Variants in BLTP1 observed in about 807,000 individuals in gnomAD.
BLTP1 encodes the protein bridge-like lipid transfer protein family member 1, also known as fragile site-associated protein.
chr4:122,325,816 G>GTTTTTTTTTTTTTTATTT, the BLTP1 span: 1 of 786,100 alleles, frequency 1.3e-6, no homozygotes. Context: ...TTTTTCATGA[G>GTTTTTTTTTTTTTTATTT]TTTTTTTTTT....
the BLTP1 span, among the ~76,000 whole-genome samples, chr4:122,248,464 TA>T: frequency 1.3e-5 from 2 of 152,108 alleles, no homozygotes; most frequent in Non-Finnish European, 2.9e-5. Context: ...GGTTACTTAA[TA>T]ACCTCATAAT....
At chr4:122,199,056 A>G in the BLTP1 span, among the ~76,000 whole-genome samples, 1 of 152,178 alleles carries the variant, frequency 6.6e-6, no homozygotes, top group South Asian at 2.1e-4. Flanking sequence ...GTGGAAGAAG[A>G]AAAGTAGTTG....
At chr4:122,346,101 C>A in the BLTP1 span, 4 of 624,840 alleles carry the variant, frequency 6.4e-6, no homozygotes, top group Non-Finnish European at 8.0e-6. Flanking sequence ...GGCATGTAAA[C>A]CCTATAGAAA....
chr4:122,348,913 C>T, the BLTP1 span: 20 of 540,098 alleles, frequency 3.7e-5, no homozygotes, highest in South Asian at 1.4e-4. Context: ...AATATATGTT[C>T]TATAAAAAGG....
the BLTP1 span, among the ~76,000 whole-genome samples, chr4:122,253,216 C>T: frequency 2.6e-3 from 393 of 152,172 alleles, 1 homozygote; most frequent in Non-Finnish European, 4.7e-3. Flanking sequence ...GTGAAGACTA[C>T]AATAAACACC....
At chr4:122,161,464 T>A in the BLTP1 span, among the ~76,000 whole-genome samples, 1 of 151,436 alleles carries the variant, frequency 6.6e-6, no homozygotes, top group Admixed American at 6.6e-5. Flanking sequence ...AGGGTCTTGC[T>A]CTGTCACCCA....
At chr4:122,347,703 G>A in the BLTP1 span, 3 of 1,613,782 alleles carry the variant, frequency 1.9e-6, no homozygotes, top group Non-Finnish European at 1.7e-6. Flanking sequence ...TGTCACCAGG[G>A]ACAGTAGGAC....
chr4:122,200,628 T>G, the BLTP1 span: 1 of 971,306 alleles, frequency 1.0e-6, no homozygotes, highest in Non-Finnish European at 1.2e-6. Flanking sequence ...ATACTAATGT[T>G]ACTTTGTGTG....
chr4:122,315,737 G>A, the BLTP1 span: 3 of 1,559,110 alleles, frequency 1.9e-6, no homozygotes, highest in Middle Eastern at 1.7e-4. Flanking sequence ...TTTACCCTGA[G>A]ACAGGGATAT....
At chr4:122,222,896 A>G in the BLTP1 span, 5 of 669,188 alleles carry the variant, frequency 7.5e-6, no homozygotes, top group African/African-American at 3.9e-5. Context: ...AAACTGTAAT[A>G]ACATTTAGAA....
At chr4:122,281,591 A>G in the BLTP1 span, 497 of 1,613,024 alleles carry the variant, frequency 3.1e-4, no homozygotes, top group African/African-American at 1.5e-3. Context: ...AAAAACCCCA[A>G]CAAGTGTTAA....
chr4:122,307,917 T>C, the BLTP1 span: 10 of 1,599,228 alleles, frequency 6.3e-6, no homozygotes, highest in Non-Finnish European at 6.0e-6. Flanking sequence ...TTGATTTTAA[T>C]TTTCTTTCTG....
chr4:122,360,359 C>T, the BLTP1 span, among the ~76,000 whole-genome samples: 4 of 152,120 alleles, frequency 2.6e-5, no homozygotes, highest in Non-Finnish European at 5.9e-5. Context: ...GTTTCTATAA[C>T]TAGTGGTGCT....
the BLTP1 span, among the ~76,000 whole-genome samples, chr4:122,252,885 C>G: frequency 6.6e-6 from 1 of 152,220 alleles, no homozygotes; most frequent in African/African-American, 2.4e-5. Flanking sequence ...TAACCCCACA[C>G]AGTTCCACTG....
the BLTP1 span, chr4:122,346,312 T>G: frequency 6.2e-6 from 2 of 321,076 alleles, no homozygotes; most frequent in African/African-American, 4.5e-5. Flanking sequence ...TCCTGATGAT[T>G]CATTTTCCAT....
chr4:122,287,998 A>C, the BLTP1 span, among the ~76,000 whole-genome samples: 2 of 152,164 alleles, frequency 1.3e-5, no homozygotes, highest in Non-Finnish European at 2.9e-5. Flanking sequence ...GTTTGTAACG[A>C]GGTGGAACAC....
chr4:122,341,975 G>A, the BLTP1 span: 3 of 321,394 alleles, frequency 9.3e-6, no homozygotes, highest in African/African-American at 6.8e-5. Context: ...GGAAAAAAAA[G>A]CCATTGTTAA....
chr4:122,339,723 G>A, the BLTP1 span, among the ~76,000 whole-genome samples: 1 of 152,018 alleles, frequency 6.6e-6, no homozygotes, highest in South Asian at 2.1e-4. Flanking sequence ...AAGTACTTTT[G>A]AATATCTTTT....
the BLTP1 span, chr4:122,333,475 G>T: frequency 1.5e-5 from 5 of 327,454 alleles, no homozygotes; most frequent in Admixed American, 2.7e-4. Context: ...TTTTGATGGG[G>T]TTGTTTGTTT....
Sources: gnomAD v4.1 joint callset for allele counts (sites outside exome capture counted in the v4.1 genomes callset) on GRCh38, gnomAD v4.1.1 for gene constraint, MANE v1.5 for transcripts, NCBI Gene and HGNC (gene_info 2026-07-23, HGNC 2026-07-21) for gene names.